The following ARFGEF3 variants were observed in gnomAD, a reference collection of about 807,000 sequenced individuals.
ARFGEF3 encodes the protein brefeldin A-inhibited guanine nucleotide-exchange protein 3.
ARFGEF3 carries 96 observed loss-of-function variants against 221.7 expected under a neutral mutation model. The ratio of observed to expected loss-of-function variants is 0.43; its 90% confidence interval spans 0.37 to 0.51. ARFGEF3 has a LOEUF of 0.51. Ranked by LOEUF, ARFGEF3 falls within the 20% of genes least tolerant of loss-of-function variation. The pLI is 0.00. For synonymous variants in ARFGEF3, 1,145 were observed against 1,126.8 expected, an observed-to-expected ratio of 1.02 and a Z score of -0.32; for missense variants, 2,410 against 2,789.9, an observed-to-expected ratio of 0.86 and a Z score of 3.07.
At chr6:138,286,679 C>A in intron 15 of ARFGEF3, 22 bp from the exon 16 acceptor site, 1 of 1,608,894 alleles carries the variant, frequency 6.2e-7, no homozygotes, top group Non-Finnish European at 8.5e-7. Flanking sequence ...TAGAAAATGA[C>A]ACACACCCCT....
intron 8 of ARFGEF3, among the ~76,000 whole-genome samples, chr6:138,248,612 G>A (rs1778528175): frequency 6.6e-6 from 1 of 152,098 alleles, no homozygotes; most frequent in South Asian, 2.1e-4. Flanking sequence ...CTAGCTAGAG[G>A]TCAGGAGTTC....
intron 12 of ARFGEF3, among the ~76,000 whole-genome samples, chr6:138,271,573 A>C (rs1173790019): frequency 6.6e-6 from 1 of 152,204 alleles, no homozygotes; most frequent in Non-Finnish European, 1.5e-5. Context: ...CAGATGAGAA[A>C]ACTGAGACAC....
At chr6:138,327,367 C>T (rs920984994) in intron 31 of ARFGEF3, among the ~76,000 whole-genome samples, 4 of 152,114 alleles carry the variant, frequency 2.6e-5, no homozygotes, top group African/African-American at 7.2e-5. Flanking sequence ...GAGGATCACT[C>T]GAGCCTGGGA....
At chr6:138,266,693 C>T (rs890847178) in intron 12 of ARFGEF3, among the ~76,000 whole-genome samples, 4 of 151,542 alleles carry the variant, frequency 2.6e-5, no homozygotes, top group Non-Finnish European at 4.4e-5. Flanking sequence ...ACTAAAAATA[C>T]AAAAAATTAG....
intron 2 of ARFGEF3, among the ~76,000 whole-genome samples, chr6:138,196,153 G>T (rs1777414734): frequency 6.6e-6 from 1 of 152,194 alleles, no homozygotes; most frequent in African/African-American, 2.4e-5. Context: ...TGCCTGCCCT[G>T]CCTCTTGTCC....
At chr6:138,252,034 A>G (rs1298451183) in intron 8 of ARFGEF3, among the ~76,000 whole-genome samples, 1 of 152,018 alleles carries the variant, frequency 6.6e-6, no homozygotes, top group African/African-American at 2.4e-5. Flanking sequence ...ATCATTTCTT[A>G]CTCTTCCTCC....
intron 6 of ARFGEF3, among the ~76,000 whole-genome samples, chr6:138,238,865 A>C (rs1479764831): frequency 2.6e-5 from 4 of 152,186 alleles, no homozygotes; most frequent in Non-Finnish European, 5.9e-5. Flanking sequence ...GAGTTATTTT[A>C]AAACTTATTT....
At chr6:138,214,255 A>C (rs1485921781) in intron 4 of ARFGEF3, among the ~76,000 whole-genome samples, 1 of 152,202 alleles carries the variant, frequency 6.6e-6, no homozygotes, top group African/African-American at 2.4e-5. Context: ...CCCCAGAGAA[A>C]AGACTGGATT....
intron 2 of ARFGEF3, among the ~76,000 whole-genome samples, chr6:138,206,380 A>G (rs1322475336): frequency 3.4e-5 from 5 of 149,086 alleles, no homozygotes; most frequent in Non-Finnish European, 7.4e-5. Flanking sequence ...GACACTAGAT[A>G]ATGTTGCATC....
chr6:138,216,854 A>G (rs917593329), intron 4 of ARFGEF3: 1 of 152,242 alleles, frequency 6.6e-6, no homozygotes, highest in Non-Finnish European at 1.5e-5. Flanking sequence ...TGTGCAGTTA[A>G]TGCAGGGAAG....
intron 4 of ARFGEF3, among the ~76,000 whole-genome samples, chr6:138,214,324 G>A (rs1176807968): frequency 6.6e-6 from 1 of 152,182 alleles, no homozygotes; most frequent in Non-Finnish European, 1.5e-5. Context: ...GACTCATTCT[G>A]ATGATAAATT....
intron 12 of ARFGEF3, among the ~76,000 whole-genome samples, chr6:138,267,373 C>A (rs1462458681): frequency 6.6e-6 from 1 of 151,982 alleles, no homozygotes; most frequent in Non-Finnish European, 1.5e-5. Flanking sequence ...TGCAGTGAGC[C>A]GAGATTGCAC....
At position 138,255,539 on chromosome 6, in the gene ARFGEF3, G is replaced by A. The variant is rs753275084; in HGVS notation, c.874G>A (p.Asp292Asn). The A allele has an allele frequency of 9.9e-6, 16 of 1,613,916 alleles. No homozygotes were observed. The highest frequency in any genetic ancestry group is 1.3e-5 in the Non-Finnish European group (15 of 1,179,888). Residue 292 changes from aspartate (D) to asparagine (N), a missense_variant, in exon 10 of 34, where the codon GAC becomes AAC. Physicochemically the swap from Asp to Asn is conservative, Grantham distance 23. Around this residue, in one of 5 missense-constraint regions of ARFGEF3, gnomAD observed 570 missense variants for 586.9 expected, o/e 0.97. Coordinates refer to ENST00000251691, the MANE Select transcript of ARFGEF3 (RefSeq NM_020340.5). The stretch of plus-strand genomic sequence containing the variant: ...CAGCACCAGTACCAGCCTGGAGTCG[G>A]ACTCTGCGTCTCCGGGAGTGTCTGA... The part of the protein sequence containing the change: ...TSSTSTSLES[D>N]SASPGVSDHG...
rs1223530574 is a variant in ARFGEF3 at position 138,311,435 on chromosome 6, C to T, written c.4125C>T (p.Asp1375=). ...LGEVDCKEIG[D]CAPAPGAPST... ...AGGTGGACTGTAAAGAGATTGGAGA[C>T]TGTGCCCCAGCACCCGGAGCCCCGT... Residue 1375 remains aspartate, a synonymous_variant, in exon 25 of 34, where the codon GAC becomes GAT. Coordinates refer to ENST00000251691, the MANE Select transcript of ARFGEF3 (RefSeq NM_020340.5). The T allele has an allele frequency of 1.2e-6, 2 of 1,608,596 alleles. No individual in the cohort carries two copies. The highest frequency in any genetic ancestry group is 1.1e-5 in the South Asian group (1 of 89,256).
rs921998589 is a variant in ARFGEF3, at chr6:138,338,367, GTTC to G, written c.*1887_*1889del. The G allele has an allele frequency of 4.6e-5, 7 of 152,168 alleles. No homozygotes were observed. Among genetic ancestry groups the G allele is most frequent in the East Asian group, 1.9e-4 (1 of 5,200 alleles). The allele number at this position is 152,168 out of a possible 1,614,324, so 9.4% of individuals were successfully genotyped here. A position where few individuals can be genotyped will look rare whatever the true frequency, so the allele number is the denominator to read the frequency against. On this transcript the variant is annotated 3_prime_UTR_variant, in exon 34 of 34. Coordinates refer to ENST00000251691, the MANE Select transcript of ARFGEF3 (RefSeq NM_020340.5). ...CTTTTTATAGCTTACCTGAGGTTCA[GTTC>G]TTCTTTGTGAACCTGTGAGTACTCC... is the stretch of plus-strand genomic sequence containing the variant.
intron 2 of ARFGEF3, among the ~76,000 whole-genome samples, chr6:138,202,681 CA>C (rs11312359): frequency 0.24 from 27,714 of 116,878 alleles, 3,194 homozygotes; most frequent in East Asian, 0.45. Context: ...TATTTACTAG[CA>C]AAAAAAAAAA....
At chr6:138,288,235 T>A (rs929832623) in intron 17 of ARFGEF3, among the ~76,000 whole-genome samples, 12 of 150,884 alleles carry the variant, frequency 8.0e-5, no homozygotes, top group African/African-American at 2.7e-4. Flanking sequence ...AATACAGAAA[T>A]TAGCCAGGCA....
intron 1 of ARFGEF3, among the ~76,000 whole-genome samples, chr6:138,165,846 C>A (rs6931276): frequency 6.6e-6 from 1 of 152,220 alleles, no homozygotes. Flanking sequence ...CATATTTAGA[C>A]CATATCAAGA....
At chr6:138,240,676 A>G (rs1778377247) in intron 6 of ARFGEF3, among the ~76,000 whole-genome samples, 1 of 152,068 alleles carries the variant, frequency 6.6e-6, no homozygotes, top group Non-Finnish European at 1.5e-5. Context: ...CCTTTCTATT[A>G]CTCATGCGGT....
Sources: gnomAD v4.1 joint callset for allele counts (sites outside exome capture counted in the v4.1 genomes callset) on GRCh38, gnomAD v4.1.1 for gene constraint, gnomAD v4.1.1 regional missense constraint, MANE v1.5 for transcripts, NCBI Gene and HGNC (gene_info 2026-07-23, HGNC 2026-07-21) for gene names.